ARHGAP31: variants seen among roughly 807,000 people sequenced by gnomAD.
ARHGAP31 encodes the protein Rho GTPase activating protein 31.
In ARHGAP31, 34 loss-of-function variants were observed where a neutral mutation model predicts 113.9. The observed-to-expected ratio is 0.30, with a 90% CI of 0.23 to 0.40. The LOEUF (loss-of-function observed/expected upper bound fraction) is 0.40. Ranked by LOEUF, ARHGAP31 falls within the 10% of genes least tolerant of loss-of-function variation. The probability of loss-of-function intolerance (pLI) is 1.00; values close to 1 mark genes in which losing one functional copy is unlikely to be tolerated. For missense variants in ARHGAP31, 1,548 were observed against 1,767.1 expected, an observed-to-expected ratio of 0.88 and a Z score of 2.22; for synonymous variants, 650 against 684.8, an observed-to-expected ratio of 0.95 and a Z score of 0.79.
At chr3:119,350,396 G>T (rs2080100801) in intron 1 of ARHGAP31, among the ~76,000 whole-genome samples, 2 of 152,172 alleles carry the variant, frequency 1.3e-5, no homozygotes, top group South Asian at 4.1e-4. Context: ...CATAGTCGTA[G>T]CTGGCCCAAG....
Position 119,351,786 on chromosome 3 carries a change from T to C in ARHGAP31, c.101-13530T>C, listed in dbSNP as rs1001064453. Among the ~76,000 whole-genome samples the C allele has an allele frequency of 4.6e-5, 7 of 152,346 alleles. No homozygotes were observed. In the South Asian group the frequency reaches 1.5e-3, roughly 32 times the overall value. ...CCCCTGGGGCTCACTCTCAGGCACATGCGGCCGTTCTCTGTATCCATTAGC... is the reference window on the plus strand; with the variant it reads ...CCCCTGGGGCTCACTCTCAGGCACACGCGGCCGTTCTCTGTATCCATTAGC... On this transcript the variant is annotated intron_variant, in intron 1 of 11. Coordinates refer to ENST00000264245, the MANE Select transcript of ARHGAP31 (RefSeq NM_020754.4).
At chr3:119,329,857 A>T (rs1209791103) in intron 1 of ARHGAP31, 9 of 985,382 alleles carry the variant, frequency 9.1e-6, no homozygotes, top group Non-Finnish European at 1.1e-5. Context: ...CCAAAGTGTT[A>T]TCCAAGCCTC....
At chr3:119,295,700 T>C (rs115193914) in intron 1 of ARHGAP31, among the ~76,000 whole-genome samples, 12,696 of 150,896 alleles carry the variant, frequency 0.084, 691 homozygotes, top group Non-Finnish European at 0.11. Context: ...CATTTTTAAA[T>C]AGTTTAGGGT....
At chr3:119,367,843 C>T (rs992657774) in intron 2 of ARHGAP31, among the ~76,000 whole-genome samples, 27 of 140,060 alleles carry the variant, frequency 1.9e-4, no homozygotes, top group African/African-American at 4.0e-4. Flanking sequence ...GGTGACAGAG[C>T]GAGACTCCAT....
At position 119,309,161 on chromosome 3, in the gene ARHGAP31, ACT is replaced by A. The variant is rs556213433; in HGVS notation, c.100+14158_100+14159del. Among the ~76,000 whole-genome samples the A allele has an allele frequency of 3.3e-5, 5 of 152,258 alleles. No homozygotes were observed. The East Asian group carries it at 9.6e-4, about 29-fold the overall frequency. Reference sequence around the variant, plus strand: ...CTGGCCAATTAATCCAATTTGGTACACTGTTAGAAATACTCCCTAAATTCCAT... The same window carrying A: ...CTGGCCAATTAATCCAATTTGGTACAGTTAGAAATACTCCCTAAATTCCAT... On this transcript the variant is annotated intron_variant, in intron 1 of 11. Coordinates refer to ENST00000264245, the MANE Select transcript of ARHGAP31 (RefSeq NM_020754.4).
chr3:119,380,231 G>T (rs1577020187), intron 3 of ARHGAP31, among the ~76,000 whole-genome samples: 2 of 152,128 alleles, frequency 1.3e-5, no homozygotes, highest in Non-Finnish European at 1.5e-5. Flanking sequence ...CTGGCTTCTA[G>T]GACAGGCAGC....
chr3:119,407,599 T>C (rs2080675463), intron 10 of ARHGAP31, among the ~76,000 whole-genome samples: 1 of 152,154 alleles, frequency 6.6e-6, no homozygotes, highest in Non-Finnish European at 1.5e-5. Flanking sequence ...ATAAAAGTAG[T>C]TATCTATAAG....
Position 119,414,282 on chromosome 3 carries a change from C to A in ARHGAP31, c.2353C>A (p.Pro785Thr). The A allele has an allele frequency of 6.2e-7, 1 of 1,614,200 alleles. No homozygotes were observed. The change falls in exon 12 of 12, where the codon CCT (proline) becomes ACT (threonine). Residue 785 changes from proline (P) to threonine (T), a missense_variant. Coordinates refer to ENST00000264245, the MANE Select transcript of ARHGAP31 (RefSeq NM_020754.4). ...TCTGTCTCCTCCACTCCCACCTGCT[C>A]CTCCCCCTCCAACTCCTCTGGAGGA... The part of the protein sequence containing the change: ...GNLSPPLPPA[P>T]PPPTPLEEST...
At chr3:119,318,151 C>A (rs2079750785) in intron 1 of ARHGAP31, among the ~76,000 whole-genome samples, 1 of 151,922 alleles carries the variant, frequency 6.6e-6, no homozygotes, top group South Asian at 2.1e-4. Flanking sequence ...ATGCCTGTGT[C>A]CCCAGCTACT....
At chr3:119,315,829 G>A (rs2079725579) in intron 1 of ARHGAP31, among the ~76,000 whole-genome samples, 1 of 152,168 alleles carries the variant, frequency 6.6e-6, no homozygotes, top group East Asian at 1.9e-4. Context: ...GTAAAAGTGA[G>A]GTCCAAGTTA....
chr3:119,409,398 T>C (rs1418481814), intron 10 of ARHGAP31, 98 bp from the exon 11 acceptor site: 4 of 1,438,266 alleles, frequency 2.8e-6, no homozygotes, highest in Non-Finnish European at 3.9e-6. Flanking sequence ...CCTCCATCCT[T>C]CTGAAACAGG....
chr3:119,408,900 G>A (rs1486546751), intron 10 of ARHGAP31, among the ~76,000 whole-genome samples: 5 of 152,184 alleles, frequency 3.3e-5, no homozygotes, highest in African/African-American at 1.2e-4. Flanking sequence ...CCCCTGGGAA[G>A]AGTCACACAG....
intron 1 of ARHGAP31, among the ~76,000 whole-genome samples, chr3:119,310,561 G>A (rs2079670481): frequency 6.6e-6 from 1 of 152,232 alleles, no homozygotes; most frequent in Admixed American, 6.5e-5. Context: ...TCTAATAGGA[G>A]CGCCAATCCT....
At chr3:119,303,627 G>T (rs1160946448) in intron 1 of ARHGAP31, among the ~76,000 whole-genome samples, 2 of 152,126 alleles carry the variant, frequency 1.3e-5, no homozygotes, top group Non-Finnish European at 2.9e-5. Context: ...CCCCTCAAAA[G>T]CAACATATAC....
chr3:119,402,785 T>C (rs2080624252), intron 10 of ARHGAP31, among the ~76,000 whole-genome samples: 1 of 152,228 alleles, frequency 6.6e-6, no homozygotes, highest in African/African-American at 2.4e-5. Context: ...CAGAATGGAA[T>C]GCAGAGCTGC....
At position 119,390,989 on chromosome 3, in the gene ARHGAP31, T is replaced by C. The variant is rs766254405; in HGVS notation, c.881+6T>C. On this transcript the variant is annotated splice_donor_region_variant and intron_variant, in intron 7 of 11. Coordinates refer to ENST00000264245, the MANE Select transcript of ARHGAP31 (RefSeq NM_020754.4). The stretch of plus-strand genomic sequence containing the variant: ...CTTGAGTTACCAGACAACAAGTAAG[T>C]GGCACTCTTTTAAAAAATTCTAGGA... 1.2e-6 allele frequency: 2 copies of C among 1,613,854 alleles called. No individual in the cohort carries two copies. The highest frequency in any genetic ancestry group is 2.2e-5 in the South Asian group (2 of 91,060).
chr3:119,390,149 TA>T (rs76515186), intron 6 of ARHGAP31, among the ~76,000 whole-genome samples: 5,109 of 147,974 alleles, frequency 0.035, 163 homozygotes, highest in East Asian at 0.15. Context: ...TTCCATTCTT[TA>T]AAAAAAAAAA....
chr3:119,383,241 T>C lies in ARHGAP31; in HGVS notation c.682+15T>C, dbSNP rs771296646. The C allele has an allele frequency of 1.1e-5, 17 of 1,613,822 alleles. No homozygotes were observed. The East Asian group carries it at 1.6e-4, about 15-fold the overall frequency. ...GGAGAATGATGGTAAGGACTCCTCC[T>C]AGCATACACTCCACCAGCTTATCCT... On this transcript the variant is annotated intron_variant, in intron 6 of 11. Coordinates refer to ENST00000264245, the MANE Select transcript of ARHGAP31 (RefSeq NM_020754.4).
At chr3:119,303,792 G>T (rs202238996) in intron 1 of ARHGAP31, among the ~76,000 whole-genome samples, 30,354 of 147,354 alleles carry the variant, frequency 0.21, 3,366 homozygotes, top group African/African-American at 0.28. Context: ...GTTTTTTGTT[G>T]TTGTTGTTGT....
Sources: allele counts gnomAD v4.1 joint callset (sites outside exome capture counted in the v4.1 genomes callset), GRCh38; gene constraint gnomAD v4.1.1; transcripts MANE v1.5; gene names NCBI Gene and HGNC (gene_info 2026-07-23, HGNC 2026-07-21).